IGF2R: variants seen among roughly 807,000 people sequenced by gnomAD.
IGF2R encodes the protein insulin like growth factor 2 receptor.
In IGF2R, 91 loss-of-function variants were observed where a neutral mutation model predicts 270.6. That is an observed-to-expected ratio of 0.34 (90% CI 0.28 to 0.40). IGF2R has a LOEUF of 0.40. IGF2R is among the 10% of genes least tolerant of loss of function. The pLI is 1.00. For missense variants in IGF2R, 2,805 were observed against 3,188.3 expected (o/e 0.88, Z 2.90); for synonymous variants, 1,316 against 1,258.9 (o/e 1.05, Z -0.96).
At chr6:160,086,683 A>G (rs1779103995) in intron 41 of IGF2R, among the ~76,000 whole-genome samples, 1 of 152,258 alleles carries the variant, frequency 6.6e-6, no homozygotes. Flanking sequence ...AATTTTACAC[A>G]GAAGCCCAAT....
Position 160,110,915 on chromosome 6 carries a change from A to C in IGF2R, c.*5831A>C, listed in dbSNP as rs368024331. 2 of 152,382 alleles carry C rather than the reference A, an allele frequency of 1.3e-5. No individual in the cohort carries two copies. The highest frequency in any genetic ancestry group is 4.1e-4 in the South Asian group (2 of 4,826). 9.4% of individuals were successfully genotyped at this position (152,382 alleles called of 1,614,324 possible). Reference sequence around the variant, plus strand: ...TGGAATGGTGGTTACCAAAGGCCAGAGGGTGCAGGAAGTGAGCAGATGTTG... The same window carrying C: ...TGGAATGGTGGTTACCAAAGGCCAGCGGGTGCAGGAAGTGAGCAGATGTTG... On this transcript the variant is annotated 3_prime_UTR_variant, in exon 48 of 48. Transcript: ENST00000356956.
At chr6:160,079,896 T>C in intron 38 of IGF2R, 109 bp downstream of exon 38, 8 of 1,111,214 alleles carry the variant, frequency 7.2e-6, no homozygotes, top group South Asian at 1.6e-5. Context: ...CTATGAGTGC[T>C]GTAACCTTGG....
intron 45 of IGF2R, 60 bp downstream of exon 45, chr6:160,096,685 G>T: frequency 7.5e-7 from 1 of 1,331,594 alleles, no homozygotes; most frequent in Non-Finnish European, 1.0e-6. Context: ...AAGAATAAGT[G>T]TATGTGTGTT....
At chr6:160,038,432 A>G (rs967131600) in intron 10 of IGF2R, among the ~76,000 whole-genome samples, 1 of 152,226 alleles carries the variant, frequency 6.6e-6, no homozygotes, top group Non-Finnish European at 1.5e-5. Context: ...AGCAATGGTT[A>G]TTTACAAAAT....
intron 1 of IGF2R, among the ~76,000 whole-genome samples, chr6:159,980,946 A>G: frequency 6.6e-6 from 1 of 152,242 alleles, no homozygotes; most frequent in African/African-American, 2.4e-5. Flanking sequence ...TCTGATTGGA[A>G]GAAAATCATC....
intron 2 of IGF2R, among the ~76,000 whole-genome samples, chr6:160,000,877 G>A (rs866433782): frequency 6.6e-6 from 1 of 151,494 alleles, no homozygotes; most frequent in South Asian, 2.1e-4. Context: ...CTTGGATTAC[G>A]GGCACCACCA....
At chr6:160,092,959 G>C (rs1779262095) in intron 44 of IGF2R, 2 of 152,304 alleles carry the variant, frequency 1.3e-5, no homozygotes, top group Admixed American at 6.5e-5. Flanking sequence ...CACTGAAGGG[G>C]TTCCCAAGCC....
chr6:159,986,422 GTGTGTGTGT>G (rs1783886234), intron 1 of IGF2R, among the ~76,000 whole-genome samples: 1 of 110,992 alleles, frequency 9.0e-6, no homozygotes, highest in South Asian at 3.8e-4. Flanking sequence ...GTGTGTGTGT[GTGTGTGTGT>G]TTTTTTTTTT....
At chr6:160,051,168 G>A (rs1340070352) in intron 19 of IGF2R, among the ~76,000 whole-genome samples, 3 of 152,218 alleles carry the variant, frequency 2.0e-5, no homozygotes, top group Non-Finnish European at 2.9e-5. Flanking sequence ...AGAAGGTTAT[G>A]TACCCTATTT....
At chr6:160,047,670 A>C in intron 16 of IGF2R, 122 bp from the exon 17 acceptor site, 1 of 710,228 alleles carries the variant, frequency 1.4e-6, no homozygotes. Context: ...GGAGATGGGC[A>C]GACTAAGCTT....
chr6:160,028,032 G>T (rs373514432), intron 6 of IGF2R, among the ~76,000 whole-genome samples: 2 of 152,146 alleles, frequency 1.3e-5, no homozygotes, highest in African/African-American at 2.4e-5. Context: ...GAGGGGAAAA[G>T]TGTTTGGAAT....
At position 160,109,128 on chromosome 6, in the gene IGF2R, C is replaced by G. The variant is rs914310414; in HGVS notation, c.*4044C>G. 1 of 152,242 alleles carries G rather than the reference C, an allele frequency of 6.6e-6. No individual in the cohort carries two copies. The highest frequency in any genetic ancestry group is 2.4e-5 in the African/African-American group (1 of 41,456). 9.4% of individuals were successfully genotyped at this position (152,242 alleles called of 1,614,324 possible). ...TAATTGATAATGTTGTTTTGATGCTCAGTGTTTGAGGGAAACACAATCTAG... is the reference window on the plus strand; with the variant it reads ...TAATTGATAATGTTGTTTTGATGCTGAGTGTTTGAGGGAAACACAATCTAG... On this transcript the variant is annotated 3_prime_UTR_variant, in exon 48 of 48. Transcript: ENST00000356956.
chr6:160,056,590 T>C (rs1778322680), intron 20 of IGF2R, 65 bp downstream of exon 20: 5 of 1,079,700 alleles, frequency 4.6e-6, no homozygotes, highest in Non-Finnish European at 1.4e-6. Context: ...CTCACCCCAG[T>C]GTTCCAGCTC....
Position 160,009,107 on chromosome 6 carries a change from C to A in IGF2R, c.387C>A (p.Ser129Arg). 1 of 1,613,614 alleles carries A rather than the reference C, an allele frequency of 6.2e-7. No individual in the cohort carries two copies. Among genetic ancestry groups the A allele is most frequent in the East Asian group, 2.2e-5 (1 of 44,848 alleles). The stretch of plus-strand genomic sequence containing the variant: ...GCACAAATCACAGAGTCCAGAGCAG[C>A]ATTGCCTTCCTGTGTGGGAAAACCC... ...QQGTNHRVQS[S>R]IAFLCGKTLG... Residue 129 changes from serine to arginine, a missense_variant, in exon 3 of 48, where the codon AGC (serine) becomes AGA (arginine). Coordinates refer to ENST00000356956, the MANE Select transcript of IGF2R (RefSeq NM_000876.4).
Position 160,050,453 on chromosome 6 carries a change from CA to C in IGF2R, c.2515-18del. 6.3e-7 allele frequency: 1 copy of C among 1,598,248 alleles called. No homozygotes were observed. The highest frequency in any genetic ancestry group is 8.6e-7 in the Non-Finnish European group (1 of 1,167,836). ...TGTATCTTCAGGGGGAAAAGCCTAA[CA>C]AGACTGGTTTTCTTGCAGGGCTCCT... On this transcript the variant is annotated intron_variant, in intron 18 of 47. Transcript: ENST00000356956. This position sits in a 1 kb window ranked among gnomAD's most constrained non-coding sequence, Gnocchi z 4.0.
chr6:160,048,441 C>T lies in IGF2R; in HGVS notation c.2412C>T (p.Val804=). 2 of 1,614,204 alleles carry T rather than the reference C, an allele frequency of 1.2e-6. No individual in the cohort carries two copies. Among genetic ancestry groups the T allele is most frequent in the Non-Finnish European group, 1.7e-6 (2 of 1,180,014 alleles). The change falls in exon 18 of 48, where the codon GTC becomes GTT. Residue 804 remains valine, a synonymous_variant. Transcript: ENST00000356956. ...CCATGGACAACTCAGGGGAACATGT[C>T]ACGTGGAGGAAATACTACATTAACG... ...WYAMDNSGEH[V]TWRKYYINVC...
chr6:160,001,355 C>T (rs1784127756), intron 2 of IGF2R, among the ~76,000 whole-genome samples: 1 of 151,920 alleles, frequency 6.6e-6, no homozygotes, highest in Non-Finnish European at 1.5e-5. Context: ...TCCCATCACC[C>T]CCAGATGGGA....
chr6:160,078,092 C>CT, intron 36 of IGF2R, 109 bp from the exon 37 acceptor site: 1 of 1,081,534 alleles, frequency 9.2e-7, no homozygotes, highest in East Asian at 2.4e-5. Context: ...TCCCTTCCCT[C>CT]TGAGAGGCCG....
chr6:160,065,392 T>G (rs1459174894), intron 29 of IGF2R, among the ~76,000 whole-genome samples: 1 of 152,212 alleles, frequency 6.6e-6, no homozygotes, highest in African/African-American at 2.4e-5. Flanking sequence ...ACTTGATCAC[T>G]GTTGACTTTC....
Sources: allele counts gnomAD v4.1 joint callset (sites outside exome capture counted in the v4.1 genomes callset), GRCh38; gene constraint gnomAD v4.1.1; non-coding constraint Gnocchi (gnomAD v3.1); transcripts MANE v1.5; gene names NCBI Gene and HGNC (gene_info 2026-07-23, HGNC 2026-07-21).